UNC13C: variants seen among roughly 807,000 people sequenced by gnomAD.
UNC13C encodes unc-13 homolog C.
Under a neutral mutation model 245.4 loss-of-function variants are expected in UNC13C, and 174 were observed. The observed-to-expected ratio is 0.71, with a 90% CI of 0.63 to 0.80. The LOEUF (loss-of-function observed/expected upper bound fraction) is 0.80, where lower values mean the gene tolerates loss of function less well. UNC13C is among the 30% of genes least tolerant of loss of function. UNC13C has a pLI of 0.00. For synonymous variants in UNC13C, 992 were observed against 895.1 expected, an observed-to-expected ratio of 1.11 and a Z score of -1.93; for missense variants, 2,829 against 2,602.9, an observed-to-expected ratio of 1.09 and a Z score of -1.89.
chr15:54,120,890 C>T (rs185299075), intron 2 of UNC13C, among the ~76,000 whole-genome samples: 10 of 152,182 alleles, frequency 6.6e-5, no homozygotes, highest in Non-Finnish European at 4.4e-5. Context: ...GAGTGAATTC[C>T]TGCAAACTCA....
chr15:53,996,881 A>G (rs1191222496), intron 1 of UNC13C, among the ~76,000 whole-genome samples: 1 of 151,752 alleles, frequency 6.6e-6, no homozygotes, highest in Non-Finnish European at 1.5e-5. Flanking sequence ...ATCAGAAAAA[A>G]TCTTATACAC....
chr15:53,945,165 C>T, the UNC13C span, among the ~76,000 whole-genome samples: 1 of 151,780 alleles, frequency 6.6e-6, no homozygotes, highest in Non-Finnish European at 1.5e-5. Flanking sequence ...TTGTCAGATG[C>T]ATAGTTTGCA....
the UNC13C span, among the ~76,000 whole-genome samples, chr15:53,964,776 C>T: frequency 6.6e-6 from 1 of 152,058 alleles, no homozygotes; most frequent in Non-Finnish European, 1.5e-5. Context: ...TCATCTAAAG[C>T]CAGATGAAGA....
At chr15:53,854,549 A>G in the UNC13C span, among the ~76,000 whole-genome samples, 1 of 152,142 alleles carries the variant, frequency 6.6e-6, no homozygotes, top group Non-Finnish European at 1.5e-5. Flanking sequence ...TATTAAATAG[A>G]GAATCCTTTC....
intron 7 of UNC13C, among the ~76,000 whole-genome samples, chr15:54,242,433 T>C (rs2035878431): frequency 6.6e-6 from 1 of 152,170 alleles, no homozygotes; most frequent in Non-Finnish European, 1.5e-5. Context: ...TACCATCAAA[T>C]TGTTTATATA....
intron 2 of UNC13C, among the ~76,000 whole-genome samples, chr15:54,064,677 A>T (rs1416596560): frequency 6.6e-6 from 1 of 152,180 alleles, no homozygotes. Flanking sequence ...TTTGCACTCA[A>T]TCTATCAGCA....
intron 18 of UNC13C, among the ~76,000 whole-genome samples, chr15:54,410,107 T>C (rs893641548): frequency 6.6e-6 from 1 of 152,214 alleles, no homozygotes; most frequent in Non-Finnish European, 1.5e-5. Flanking sequence ...GGTTTTGATC[T>C]GCATTTCCGT....
At chr15:54,363,403 C>T (rs182731353) in intron 17 of UNC13C, among the ~76,000 whole-genome samples, 1 of 152,298 alleles carries the variant, frequency 6.6e-6, no homozygotes, top group African/African-American at 2.4e-5. Context: ...GCCACCTCAC[C>T]CAGTCCTAAT....
chr15:54,550,011 C>A (rs1480143966), intron 28 of UNC13C, among the ~76,000 whole-genome samples: 1 of 152,090 alleles, frequency 6.6e-6, no homozygotes, highest in South Asian at 2.1e-4. Context: ...GAAAATGAAA[C>A]TCATCAAAGC....
At chr15:54,542,001 C>A (rs1029442088) in intron 26 of UNC13C, among the ~76,000 whole-genome samples, 1 of 152,110 alleles carries the variant, frequency 6.6e-6, no homozygotes, top group African/African-American at 2.4e-5. Flanking sequence ...CTTTGGGAGA[C>A]TGACTCCACT....
rs1566949637 is a variant in UNC13C at position 54,628,404 on chromosome 15, T to C, written c.*1291T>C. On this transcript the variant is annotated 3_prime_UTR_variant, in exon 33 of 33. Coordinates refer to ENST00000260323, the MANE Select transcript of UNC13C (RefSeq NM_001080534.3). ...ATTGTGCTTTGTGAACAAGCTGATC[T>C]AATACGTTAAGTACAGAAGTGCTTA... 1 of 121,666 alleles carries C rather than the reference T, an allele frequency of 8.2e-6. No individual in the cohort carries two copies. Among genetic ancestry groups the C allele is most frequent in the South Asian group, 3.1e-4 (1 of 3,232 alleles). 7.5% of individuals were successfully genotyped at this position (121,666 alleles called of 1,614,324 possible).
Position 54,015,769 on chromosome 15 carries a change from C to A in UNC13C, c.2866C>A (p.Pro956Thr). Residue 956 changes from proline (P) to threonine (T), a missense_variant, in exon 2 of 33, where the codon CCT becomes ACT. Transcript: ENST00000260323. ...EIREDENQNI[P>T]EQPVEITKPK... is the part of the protein sequence containing the mutation. ...AAGAGAAGATGAAAACCAAAACATT[C>A]CTGAACAGCCAGTGGAGATCACAAA... 1 of 1,612,596 alleles carries A rather than the reference C, an allele frequency of 6.2e-7. No homozygotes were observed. Among genetic ancestry groups the A allele is most frequent in the Non-Finnish European group, 8.5e-7 (1 of 1,179,218 alleles).
At chr15:54,038,118 A>ATTTT (rs1297641805) in intron 2 of UNC13C, among the ~76,000 whole-genome samples, 89 of 28,752 alleles carry the variant, frequency 3.1e-3, no homozygotes, top group East Asian at 0.011. Flanking sequence ...ATATATATAT[A>ATTTT]TATATATTTT....
chr15:54,136,816 A>G (rs994073275), intron 2 of UNC13C, among the ~76,000 whole-genome samples: 3 of 149,266 alleles, frequency 2.0e-5, no homozygotes, highest in Non-Finnish European at 3.0e-5. Flanking sequence ...TATAATTTTC[A>G]TCCTTCATTC....
intron 15 of UNC13C, among the ~76,000 whole-genome samples, chr15:54,333,257 T>C (rs925398737): frequency 6.6e-6 from 1 of 152,120 alleles, no homozygotes; most frequent in African/African-American, 2.4e-5. Context: ...CAAACCTCGC[T>C]AAAAGAAACC....
chr15:53,857,935 T>C, the UNC13C span, among the ~76,000 whole-genome samples: 11 of 152,340 alleles, frequency 7.2e-5, no homozygotes, highest in African/African-American at 2.4e-4. Flanking sequence ...AACAACTTAG[T>C]CACCCAGAAT....
In UNC13C at chr15:54,070,656, G is replaced by A. The variant is rs570790501; in HGVS notation, c.2983+54770G>A. 3.9e-5 allele frequency among the ~76,000 whole-genome samples: 6 copies of A among 152,234 alleles called. No homozygotes were observed. The South Asian group carries it at 1.2e-3, about 32-fold the overall frequency. On this transcript the variant is annotated intron_variant, in intron 2 of 32. Coordinates refer to ENST00000260323, the MANE Select transcript of UNC13C (RefSeq NM_001080534.3). ...AAATTTTTCAGGATACTTGGACCAT[G>A]CATGTTCATGTGACAAAAGACAGGG... is the stretch of plus-strand genomic sequence containing the variant.
chr15:54,184,814 C>G (rs1483360247), intron 4 of UNC13C, among the ~76,000 whole-genome samples: 3 of 152,148 alleles, frequency 2.0e-5, no homozygotes, highest in African/African-American at 4.8e-5. Flanking sequence ...AATGGTATTT[C>G]TAGTTCTAGA....
At chr15:53,987,195 T>C (rs1219318977) in intron 1 of UNC13C, among the ~76,000 whole-genome samples, 1 of 152,078 alleles carries the variant, frequency 6.6e-6, no homozygotes, top group Admixed American at 6.6e-5. Flanking sequence ...ACAGATATTT[T>C]AGATAAATAG....
Sources: gnomAD v4.1 joint callset for allele counts (sites outside exome capture counted in the v4.1 genomes callset) on GRCh38, gnomAD v4.1.1 for gene constraint, MANE v1.5 for transcripts, NCBI Gene and HGNC (gene_info 2026-07-23, HGNC 2026-07-21) for gene names.